SUGCT: variants seen among roughly 807,000 people sequenced by gnomAD.
SUGCT encodes the protein succinyl-CoA:glutarate-CoA transferase.
A neutral mutation model predicts 55.0 loss-of-function variants in SUGCT; 41 were observed. That is an observed-to-expected ratio of 0.74 (90% CI 0.58 to 0.97). The LOEUF (loss-of-function observed/expected upper bound fraction) is 0.97, where lower values mean the gene tolerates loss of function less well. SUGCT is among the 50% of genes least tolerant of loss of function. SUGCT has a pLI of 0.00. For synonymous variants in SUGCT, 187 were observed against 200.4 expected (o/e 0.93, Z 0.56); for missense variants, 568 against 547.8 (o/e 1.04, Z -0.37).
In SUGCT at chr7:40,496,339, C is replaced by T; in HGVS notation, c.1042C>T (p.Pro348Ser). 6.2e-7 allele frequency: 1 copy of T among 1,613,228 alleles called. No homozygotes were observed. The highest frequency in any genetic ancestry group is 8.5e-7 in the Non-Finnish European group (1 of 1,179,488). Reference sequence around the variant, plus strand: ...ATATCTTTTTGAAGGCAGTGGAGTCCCGTATGGCCCAATCAACAACATGAA... The same window carrying T: ...ATATCTTTTTGAAGGCAGTGGAGTCTCGTATGGCCCAATCAACAACATGAA... ...WLYLFEGSGV[P>S]YGPINNMKNV... The change falls in exon 12 of 14, where the codon CCG becomes TCG. Residue 348 changes from proline to serine, a missense_variant. Coordinates refer to ENST00000335693, the MANE Select transcript of SUGCT (RefSeq NM_001193313.2).
At chr7:40,377,399 C>A (rs895180525) in intron 9 of SUGCT, among the ~76,000 whole-genome samples, 8 of 150,854 alleles carry the variant, frequency 5.3e-5, no homozygotes, top group African/African-American at 2.0e-4. Flanking sequence ...TGAGCCACCA[C>A]ACCCAGCTAA....
chr7:41,026,834 C>G, the SUGCT span, among the ~76,000 whole-genome samples: 2 of 152,098 alleles, frequency 1.3e-5, no homozygotes, highest in Non-Finnish European at 2.9e-5. Context: ...GAATTCAAGA[C>G]CAGCCTAGCC....
At chr7:40,528,969 T>G (rs1793944026) in intron 12 of SUGCT, among the ~76,000 whole-genome samples, 1 of 152,192 alleles carries the variant, frequency 6.6e-6, no homozygotes, top group Non-Finnish European at 1.5e-5. Context: ...ATGTATATTA[T>G]GGTATTCTTA....
chr7:40,879,231 A>G, the SUGCT span, among the ~76,000 whole-genome samples: 11 of 152,170 alleles, frequency 7.2e-5, no homozygotes, highest in Admixed American at 5.2e-4. Context: ...ATGATTTAAA[A>G]CCTATTTACT....
chr7:40,554,530 T>A (rs1795460544), intron 12 of SUGCT, among the ~76,000 whole-genome samples: 1 of 152,206 alleles, frequency 6.6e-6, no homozygotes, highest in African/African-American at 2.4e-5. Flanking sequence ...CTCTGTACTA[T>A]GTTTTATTGT....
chr7:40,828,221 T>G (rs1481042034), intron 13 of SUGCT, among the ~76,000 whole-genome samples: 2 of 152,192 alleles, frequency 1.3e-5, no homozygotes, highest in Non-Finnish European at 2.9e-5. Context: ...CATCAGTTCA[T>G]GAGTCAAGTG....
chr7:40,234,191 T>C (rs1788877894), intron 6 of SUGCT, among the ~76,000 whole-genome samples: 1 of 152,230 alleles, frequency 6.6e-6, no homozygotes, highest in East Asian at 1.9e-4. Flanking sequence ...CAGAAGCACC[T>C]GATTTTCCGA....
chr7:40,524,823 A>G (rs563343234), intron 12 of SUGCT, among the ~76,000 whole-genome samples: 116 of 152,268 alleles, frequency 7.6e-4, no homozygotes, highest in Non-Finnish European at 1.4e-3. Context: ...TGCAAAGAGG[A>G]ATTCCTATTC....
Position 40,202,281 on chromosome 7 carries a change from G to A in SUGCT, c.484+7221G>A, listed in dbSNP as rs993241144. ...AGCCACCATGCCTGGCAGTTATTTC[G>A]TTTAAAGTATTAAAATGTTCAGTCC... On this transcript the variant is annotated intron_variant, in intron 6 of 13. Transcript: ENST00000335693. Among the ~76,000 whole-genome samples, 11 of 152,118 alleles carry A rather than the reference G, an allele frequency of 7.2e-5. No homozygotes were observed. The South Asian group carries it at 2.1e-3, about 29-fold the overall frequency.
chr7:40,987,748 A>C, the SUGCT span, among the ~76,000 whole-genome samples: 1 of 152,218 alleles, frequency 6.6e-6, no homozygotes, highest in Non-Finnish European at 1.5e-5. Flanking sequence ...TTGATGTTTC[A>C]ACAGAATTCC....
chr7:40,629,635 G>C (rs558018862), intron 12 of SUGCT, among the ~76,000 whole-genome samples: 24 of 152,110 alleles, frequency 1.6e-4, no homozygotes, highest in South Asian at 4.1e-4. Context: ...TGGGAATAAA[G>C]TTAATTTATT....
At chr7:40,332,461 T>G (rs1367390181) in intron 9 of SUGCT, among the ~76,000 whole-genome samples, 1 of 151,812 alleles carries the variant, frequency 6.6e-6, no homozygotes. Context: ...TTTTGTTTTT[T>G]TTTTTTTACA....
chr7:40,468,565 T>G (rs1473602240), intron 11 of SUGCT, among the ~76,000 whole-genome samples: 1 of 152,218 alleles, frequency 6.6e-6, no homozygotes, highest in African/African-American at 2.4e-5. Flanking sequence ...AAGGCTTTAT[T>G]GAGCACAAGT....
At chr7:40,321,376 C>CTGACTTGATGTTTCTG in intron 9 of SUGCT, among the ~76,000 whole-genome samples, 1 of 150,032 alleles carries the variant, frequency 6.7e-6, no homozygotes, top group South Asian at 2.1e-4. Flanking sequence ...CGTGCCCAGC[C>CTGACTTGATGTTTCTG]ATTTTTGTTT....
chr7:40,953,270 A>G, the SUGCT span, among the ~76,000 whole-genome samples: 7 of 152,112 alleles, frequency 4.6e-5, no homozygotes, highest in South Asian at 2.1e-4. Context: ...TGCATCCATT[A>G]TGTAGTTCTC....
At chr7:40,540,957 T>A (rs1794640158) in intron 12 of SUGCT, among the ~76,000 whole-genome samples, 1 of 152,232 alleles carries the variant, frequency 6.6e-6, no homozygotes, top group African/African-American at 2.4e-5. Flanking sequence ...ATACTTCCAT[T>A]CCTTCCGTTA....
chr7:40,869,862 G>T, the SUGCT span, among the ~76,000 whole-genome samples: 1 of 152,118 alleles, frequency 6.6e-6, no homozygotes, highest in Non-Finnish European at 1.5e-5. Flanking sequence ...ATTAGATCAG[G>T]ATTATGCATT....
chr7:40,435,282 T>C (rs1788108995), intron 9 of SUGCT, among the ~76,000 whole-genome samples: 1 of 152,192 alleles, frequency 6.6e-6, no homozygotes, highest in African/African-American at 2.4e-5. Flanking sequence ...TAGAAGTATA[T>C]TCAGCATGTC....
the SUGCT span, among the ~76,000 whole-genome samples, chr7:40,991,346 A>G: frequency 9.8e-5 from 15 of 152,330 alleles, no homozygotes; most frequent in African/African-American, 3.6e-4. Context: ...CAATTGCAAT[A>G]GTAACATCAA....
Sources: allele counts gnomAD v4.1 joint callset (sites outside exome capture counted in the v4.1 genomes callset), GRCh38; gene constraint gnomAD v4.1.1; transcripts MANE v1.5; gene names NCBI Gene and HGNC (gene_info 2026-07-23, HGNC 2026-07-21).